The following CSMD3 variants were observed in gnomAD, a reference collection of about 807,000 sequenced individuals.
CSMD3 encodes CUB and Sushi multiple domains 3.
Under a neutral mutation model 435.2 loss-of-function variants are expected in CSMD3, and 177 were observed. The observed-to-expected ratio is 0.41, with a 90% confidence interval of 0.36 to 0.46. The LOEUF (loss-of-function observed/expected upper bound fraction) is 0.46. Ranked by LOEUF, CSMD3 falls within the 20% of genes least tolerant of loss-of-function variation. The pLI is 0.34. For synonymous variants in CSMD3, 1,656 were observed against 1,520.5 expected, an observed-to-expected ratio of 1.09 and a Z score of -2.07; for missense variants, 4,265 against 4,504.6, an observed-to-expected ratio of 0.95 and a Z score of 1.52.
At chr8:113,141,346 C>A (rs772982457) in intron 4 of CSMD3, among the ~76,000 whole-genome samples, 11 of 150,240 alleles carry the variant, frequency 7.3e-5, no homozygotes, top group Middle Eastern at 6.8e-3. Context: ...CTTTTGATAT[C>A]AAACTAGAAA....
rs552188004 is a variant in CSMD3, at chr8:112,480,405, A to T, written c.5279-7698T>A. Among the ~76,000 whole-genome samples, 109 of 152,264 alleles carry T rather than the reference A, an allele frequency of 7.2e-4. 1 individual carries two copies. The highest frequency in any genetic ancestry group is 2.5e-3 in the African/African-American group (104 of 41,548). ...GGATGATTGTATTTTTCAATGTGAG[A>T]AGGATATAAGATATGAGGGGCCAGG... On this transcript the variant is annotated intron_variant, in intron 31 of 70. Coordinates refer to ENST00000297405, the MANE Select transcript of CSMD3 (RefSeq NM_198123.2).
intron 16 of CSMD3, among the ~76,000 whole-genome samples, chr8:112,673,893 G>A (rs1343408664): frequency 1.3e-5 from 2 of 152,040 alleles, no homozygotes; most frequent in African/African-American, 2.4e-5. Context: ...GCTTGAGTAA[G>A]CATTTTATAG....
chr8:112,760,815 C>A (rs997442986), intron 13 of CSMD3, among the ~76,000 whole-genome samples: 1 of 152,032 alleles, frequency 6.6e-6, no homozygotes, highest in African/African-American at 2.4e-5. Flanking sequence ...GAGGGATAGC[C>A]CAGCAGATCT....
At chr8:112,628,811 A>C (rs1293943982) in intron 22 of CSMD3, among the ~76,000 whole-genome samples, 1 of 152,186 alleles carries the variant, frequency 6.6e-6, no homozygotes, top group Admixed American at 6.5e-5. Flanking sequence ...TGGGAGGTCA[A>C]GGGGAGCTTA....
At chr8:112,336,271 T>G (rs1468585072) in intron 44 of CSMD3, among the ~76,000 whole-genome samples, 1 of 152,188 alleles carries the variant, frequency 6.6e-6, no homozygotes, top group Non-Finnish European at 1.5e-5. Context: ...TAAATTTTTA[T>G]GGCAGAAATC....
intron 12 of CSMD3, among the ~76,000 whole-genome samples, chr8:112,826,489 G>A (rs533350438): frequency 6.6e-6 from 1 of 152,100 alleles, no homozygotes; most frequent in South Asian, 2.1e-4. Context: ...CCAATCTGTG[G>A]GTTGCACAGT....
rs578252669 is a variant in CSMD3, at chr8:112,511,035, C to T, written c.4757-4206G>A. Among the ~76,000 whole-genome samples the T allele has an allele frequency of 1.6e-4, 25 of 152,150 alleles. 1 individual carries two copies. In the South Asian group the frequency reaches 4.4e-3, roughly 27 times the overall value. On this transcript the variant is annotated intron_variant, in intron 28 of 70. Transcript: ENST00000297405. ...ATGAAAAAAAGTATAATAGCAAATG[C>T]GTATACAGGCATACGTTAGGGATAT...
chr8:113,243,242 A>G (rs2093239410), intron 3 of CSMD3, among the ~76,000 whole-genome samples: 1 of 152,046 alleles, frequency 6.6e-6, no homozygotes, highest in Non-Finnish European at 1.5e-5. Context: ...GAATGTCTTC[A>G]TTGAGATGTA....
At chr8:112,772,119 G>A (rs2078133008) in intron 13 of CSMD3, among the ~76,000 whole-genome samples, 1 of 151,398 alleles carries the variant, frequency 6.6e-6, no homozygotes, top group South Asian at 2.1e-4. Context: ...AATTATAAGG[G>A]GCTCAAGGTA....
chr8:113,194,511 T>A (rs2092628645), intron 3 of CSMD3, among the ~76,000 whole-genome samples: 1 of 151,354 alleles, frequency 6.6e-6, no homozygotes, highest in Non-Finnish European at 1.5e-5. Flanking sequence ...GGAGAATGTA[T>A]GACACCAAGA....
At chr8:112,866,801 C>T (rs1408925292) in intron 10 of CSMD3, among the ~76,000 whole-genome samples, 3 of 152,064 alleles carry the variant, frequency 2.0e-5, no homozygotes, top group Non-Finnish European at 2.9e-5. Context: ...ATGTGATAGA[C>T]AAAACAGGCC....
chr8:112,319,401 A>C (rs576521172), intron 46 of CSMD3, among the ~76,000 whole-genome samples: 1 of 152,054 alleles, frequency 6.6e-6, no homozygotes, highest in Non-Finnish European at 1.5e-5. Flanking sequence ...TTCGTATATA[A>C]TTTTTTTTCA....
At chr8:113,140,426 A>G (rs940596452) in intron 4 of CSMD3, among the ~76,000 whole-genome samples, 1 of 150,894 alleles carries the variant, frequency 6.6e-6, no homozygotes, top group African/African-American at 2.4e-5. Flanking sequence ...TTGCATTCAT[A>G]GAAGACTCCA....
intron 38 of CSMD3, among the ~76,000 whole-genome samples, chr8:112,374,911 G>T (rs1189380758): frequency 6.6e-6 from 1 of 152,120 alleles, no homozygotes; most frequent in Non-Finnish European, 1.5e-5. Flanking sequence ...AGTGTCTAGG[G>T]ATCATTTTGA....
At chr8:113,282,456 C>G (rs1418269724) in intron 2 of CSMD3, among the ~76,000 whole-genome samples, 1 of 151,758 alleles carries the variant, frequency 6.6e-6, no homozygotes, top group East Asian at 1.9e-4. Flanking sequence ...AGTGGAGAAT[C>G]AAATCAAGAA....
intron 3 of CSMD3, among the ~76,000 whole-genome samples, chr8:113,252,361 A>AT (rs927198040): frequency 5.3e-5 from 8 of 151,890 alleles, no homozygotes; most frequent in Non-Finnish European, 8.8e-5. Context: ...AAATTGTCCA[A>AT]TTTTTTTTAA....
At chr8:113,250,643 T>C (rs966725010) in intron 3 of CSMD3, among the ~76,000 whole-genome samples, 2 of 152,094 alleles carry the variant, frequency 1.3e-5, no homozygotes, top group Non-Finnish European at 2.9e-5. Flanking sequence ...ACAGACAATC[T>C]TGTGTCTGAT....
chr8:112,979,639 A>C (rs1295484939), intron 6 of CSMD3, among the ~76,000 whole-genome samples: 1 of 151,568 alleles, frequency 6.6e-6, no homozygotes, highest in African/African-American at 2.4e-5. Context: ...ATTTTTGAAA[A>C]AAATTAAGTA....
chr8:113,406,529 G>T (rs1412776177), intron 1 of CSMD3, among the ~76,000 whole-genome samples: 1 of 151,988 alleles, frequency 6.6e-6, no homozygotes, highest in Non-Finnish European at 1.5e-5. Context: ...AAACGAACCT[G>T]GAGTAAAGCA....
Sources: gnomAD v4.1 joint callset for allele counts (sites outside exome capture counted in the v4.1 genomes callset) on GRCh38, gnomAD v4.1.1 for gene constraint, MANE v1.5 for transcripts, NCBI Gene and HGNC (gene_info 2026-07-23, HGNC 2026-07-21) for gene names.